The following BACE2 variants were observed in gnomAD, a reference collection of about 807,000 sequenced individuals.
BACE2 encodes the protein beta-secretase 2.
BACE2 carries 17 observed loss-of-function variants against 46.2 expected under a neutral mutation model. The observed-to-expected ratio is 0.37, with a 90% CI of 0.25 to 0.55. BACE2 has a LOEUF of 0.55. BACE2 is among the 20% of genes least tolerant of loss of function. The pLI is 0.82. For missense variants in BACE2, 595 were observed against 698.1 expected (o/e 0.85, Z 1.66); for synonymous variants, 277 against 295.9 (o/e 0.94, Z 0.66).
At position 41,260,089 on chromosome 21, in the gene BACE2, G is replaced by T. The variant is rs559912035; in HGVS notation, c.1303+2763G>T. On this transcript the variant is annotated intron_variant, in intron 8 of 8. Transcript: ENST00000330333. ...AAGTGATTGACCCCCCGGCCCCGCC[G>T]TGGCCTCCCAAAGTGCTAGGTTTAC... Among the ~76,000 whole-genome samples the T allele has an allele frequency of 3.3e-5, 5 of 150,232 alleles. No homozygotes were observed. In the South Asian group the frequency reaches 1.1e-3, roughly 32 times the overall value.
Position 41,218,415 on chromosome 21 carries a change from C to A in BACE2, c.313-7851C>A, listed in dbSNP as rs193136969. Among the ~76,000 whole-genome samples the A allele has an allele frequency of 2.3e-3, 343 of 152,234 alleles. 1 individual carries two copies. Among genetic ancestry groups the A allele is most frequent in the African/African-American group, 7.7e-3 (321 of 41,530 alleles). On this transcript the variant is annotated intron_variant, in intron 1 of 8. Coordinates refer to ENST00000330333, the MANE Select transcript of BACE2 (RefSeq NM_012105.5). ...GGATAGGTGCTCGCAAGCATGAAAG[C>A]CCTTGGGGAAGATGGTGTCCAACTT... is the stretch of plus-strand genomic sequence containing the variant.
chr21:41,258,779 C>T (rs1038611044), intron 8 of BACE2, among the ~76,000 whole-genome samples: 8 of 152,200 alleles, frequency 5.3e-5, no homozygotes, highest in South Asian at 2.1e-4. Context: ...TCTGTGCCGA[C>T]GTATTTCGCT....
chr21:41,180,073 A>G (rs1985057395), intron 1 of BACE2: 1 of 259,806 alleles, frequency 3.8e-6, no homozygotes, highest in African/African-American at 2.3e-5. Flanking sequence ...CGCCCACAGT[A>G]GCAGCTCAGA....
intron 8 of BACE2, among the ~76,000 whole-genome samples, chr21:41,271,526 G>T (rs189685176): frequency 6.6e-6 from 1 of 152,272 alleles, no homozygotes; most frequent in East Asian, 1.9e-4. Context: ...ACACAACAAA[G>T]AAAACTATTT....
rs1010665141 is a variant in BACE2 at position 41,281,214 on chromosome 21, C to T, written c.*5590C>T. The T allele has an allele frequency of 2.0e-5, 3 of 152,206 alleles. No homozygotes were observed. Among genetic ancestry groups the T allele is most frequent in the African/African-American group, 7.2e-5 (3 of 41,440 alleles). The allele number at this position is 152,206 out of a possible 1,614,324, so 9.4% of individuals were successfully genotyped here. On this transcript the variant is annotated 3_prime_UTR_variant, in exon 9 of 9. Coordinates refer to ENST00000330333, the MANE Select transcript of BACE2 (RefSeq NM_012105.5). ...CAGATAAAGTCCAAACTGTGTAGAA[C>T]ACACGTGTGCCTCACACATAGCCAT...
chr21:41,232,289 A>G (rs1296013240), intron 2 of BACE2, among the ~76,000 whole-genome samples: 1 of 152,162 alleles, frequency 6.6e-6, no homozygotes, highest in African/African-American at 2.4e-5. Context: ...AAGAGCTTGA[A>G]GCGTCACCAC....
At chr21:41,217,746 A>C (rs965012748) in intron 1 of BACE2, among the ~76,000 whole-genome samples, 1 of 152,254 alleles carries the variant, frequency 6.6e-6, no homozygotes, top group African/African-American at 2.4e-5. Flanking sequence ...GATGCAAAGA[A>C]GGTGTCACAG....
intron 2 of BACE2, among the ~76,000 whole-genome samples, chr21:41,229,928 G>T (rs1986926234): frequency 6.6e-6 from 1 of 152,212 alleles, no homozygotes; most frequent in Non-Finnish European, 1.5e-5. Flanking sequence ...GACCACTCAA[G>T]GTTCTGATCT....
intron 1 of BACE2, chr21:41,179,966 G>A: frequency 5.6e-6 from 2 of 356,058 alleles, no homozygotes; most frequent in South Asian, 4.6e-5. Context: ...TCAAGGGCAA[G>A]CCAGTGGTGT....
At chr21:41,273,347 A>G (rs1392212157) in intron 8 of BACE2, among the ~76,000 whole-genome samples, 3 of 152,202 alleles carry the variant, frequency 2.0e-5, no homozygotes, top group Non-Finnish European at 4.4e-5. Flanking sequence ...TGGGAGCGCT[A>G]TGGGAGACCG....
intron 2 of BACE2, among the ~76,000 whole-genome samples, chr21:41,237,184 A>G (rs1987148144): frequency 6.6e-6 from 1 of 152,192 alleles, no homozygotes; most frequent in Non-Finnish European, 1.5e-5. Context: ...GCAGTGGCTC[A>G]CGCCTGTAAT....
At chr21:41,208,235 TC>T (rs1306367418) in intron 1 of BACE2, among the ~76,000 whole-genome samples, 1 of 152,190 alleles carries the variant, frequency 6.6e-6, no homozygotes, top group Non-Finnish European at 1.5e-5. Flanking sequence ...CTCTTTCTCT[TC>T]CAAGTGACTG....
At chr21:41,204,500 C>CG (rs997904484) in intron 1 of BACE2, among the ~76,000 whole-genome samples, 7 of 152,174 alleles carry the variant, frequency 4.6e-5, no homozygotes, top group African/African-American at 1.4e-4. Context: ...CCAGTGCCCA[C>CG]GGAGAGGGGC....
rs566989357 is a variant in BACE2, at chr21:41,237,576, G to C, written c.465G>C (p.Thr155=). The C allele has an allele frequency of 1.6e-5, 26 of 1,614,064 alleles. No homozygotes were observed. The highest frequency in any genetic ancestry group is 2.1e-5 in the Non-Finnish European group (25 of 1,180,020). The change falls in exon 3 of 9, where the codon ACG becomes ACC. Residue 155 remains threonine (T), a synonymous_variant. Coordinates refer to ENST00000330333, the MANE Select transcript of BACE2 (RefSeq NM_012105.5). ...VTVKYTQGSW[T]GFVGEDLVTI... ...TGAAGTACACACAAGGAAGCTGGAC[G>C]GGCTTCGTTGGGGAAGACCTCGTCA...
chr21:41,210,685 G>T (rs1173077787), intron 1 of BACE2, among the ~76,000 whole-genome samples: 1 of 152,172 alleles, frequency 6.6e-6, no homozygotes, highest in Non-Finnish European at 1.5e-5. Context: ...CCCTGACAGT[G>T]GACTGGCTCT....
chr21:41,217,286 T>C (rs891800089), intron 1 of BACE2, among the ~76,000 whole-genome samples: 1 of 152,238 alleles, frequency 6.6e-6, no homozygotes, highest in Non-Finnish European at 1.5e-5. Context: ...TATTTCCTAC[T>C]GTTGTGCAAT....
chr21:41,196,989 G>C (rs918429932), intron 1 of BACE2, among the ~76,000 whole-genome samples: 1 of 152,060 alleles, frequency 6.6e-6, no homozygotes, highest in African/African-American at 2.4e-5. Flanking sequence ...TTGAGACAGG[G>C]TCTCACTCTG....
intron 2 of BACE2, among the ~76,000 whole-genome samples, chr21:41,227,578 G>T (rs534762034): frequency 6.6e-6 from 1 of 152,278 alleles, no homozygotes; most frequent in South Asian, 2.1e-4. Flanking sequence ...AAATGATGGG[G>T]CCTCCTGCAC....
intron 1 of BACE2, chr21:41,180,403 A>G (rs1985072744): frequency 5.9e-6 from 1 of 169,388 alleles, no homozygotes; most frequent in African/African-American, 2.4e-5. Flanking sequence ...TGTTTTCCGT[A>G]ACTACTTCCT....
Sources: gnomAD v4.1 joint callset for allele counts (sites outside exome capture counted in the v4.1 genomes callset) on GRCh38, gnomAD v4.1.1 for gene constraint, MANE v1.5 for transcripts, NCBI Gene and HGNC (gene_info 2026-07-23, HGNC 2026-07-21) for gene names.